Variants in CDH4 observed in about 807,000 individuals in gnomAD.
CDH4 encodes the protein cadherin-4.
In CDH4, 33 loss-of-function variants were observed where a neutral mutation model predicts 86.0. The ratio of observed to expected loss-of-function variants is 0.38; its 90% CI spans 0.29 to 0.51. The LOEUF (loss-of-function observed/expected upper bound fraction) is 0.51. Among genes scored for constraint, CDH4 ranks in the 20% least tolerant of loss-of-function variants. The probability of loss-of-function intolerance (pLI) is 0.86; values close to 1 mark genes in which losing one functional copy is unlikely to be tolerated. For missense variants in CDH4, 1,114 were observed against 1,307.4 expected (o/e 0.85, Z 2.28); for synonymous variants, 555 against 549.4 (o/e 1.01, Z -0.14).
chr20:61,823,067 C>T (rs916885526), intron 4 of CDH4, among the ~76,000 whole-genome samples: 1 of 152,142 alleles, frequency 6.6e-6, no homozygotes, highest in African/African-American at 2.4e-5. Flanking sequence ...AGCCACAGTT[C>T]CGGTCCCAAA....
At chr20:61,662,550 A>C (rs6061707) in intron 2 of CDH4, among the ~76,000 whole-genome samples, 30,978 of 152,110 alleles carry the variant, frequency 0.2, 3,362 homozygotes, top group South Asian at 0.27. Context: ...GCACAGGACG[A>C]GCACACAGAG....
At chr20:61,532,869 G>A (rs918287172) in intron 2 of CDH4, among the ~76,000 whole-genome samples, 1 of 152,174 alleles carries the variant, frequency 6.6e-6, no homozygotes, top group African/African-American at 2.4e-5. Context: ...TCTTCTCAGA[G>A]TTTGGCAGGT....
At position 61,544,366 on chromosome 20, in the gene CDH4, G is replaced by A. The variant is rs1198078195; in HGVS notation, c.170-199197G>A. Among the ~76,000 whole-genome samples the A allele has an allele frequency of 2.6e-5, 4 of 151,932 alleles. No homozygotes were observed. The highest frequency in any genetic ancestry group is 2.6e-4 in the Admixed American group (4 of 15,260). ...TCCATGTATCACTCGTGTCCAGGCC[G>A]AGAAACCCGACGTAGAAATCCAGCT... On this transcript the variant is annotated intron_variant, in intron 2 of 15. Coordinates refer to ENST00000614565, the MANE Select transcript of CDH4 (RefSeq NM_001794.5). The surrounding 1 kb of genome is among the most constrained non-coding windows in gnomAD (Gnocchi z 6.5).
intron 2 of CDH4, among the ~76,000 whole-genome samples, chr20:61,642,771 C>G (rs1485403426): frequency 6.6e-6 from 1 of 152,182 alleles, no homozygotes; most frequent in Non-Finnish European, 1.5e-5. Context: ...GAAACCACTT[C>G]CTTACCTTTC....
intron 2 of CDH4, among the ~76,000 whole-genome samples, chr20:61,413,313 T>A (rs2085129773): frequency 6.6e-6 from 1 of 152,020 alleles, no homozygotes; most frequent in South Asian, 2.1e-4. Flanking sequence ...GCTTCCAGCA[T>A]GGCTTTTGGC....
intron 13 of CDH4, among the ~76,000 whole-genome samples, chr20:61,932,020 AGGATCCCT>A (rs1034941876): frequency 3.3e-5 from 5 of 152,060 alleles, no homozygotes; most frequent in Admixed American, 6.5e-5. Flanking sequence ...CTCAGGAAGC[AGGATCCCT>A]GGATCCCCTC....
intron 2 of CDH4, among the ~76,000 whole-genome samples, chr20:61,644,102 G>A (rs566268690): frequency 6.6e-6 from 1 of 152,262 alleles, no homozygotes; most frequent in Admixed American, 6.5e-5. Context: ...GGCAGGCCAA[G>A]CAGTTAGATA....
In CDH4 at chr20:61,741,473, T is replaced by C. The variant is rs939866236; in HGVS notation, c.170-2090T>C. On this transcript the variant is annotated intron_variant, in intron 2 of 15. Transcript: ENST00000614565. ...AAGCAGCTTCAATGCTTGCCTAAGA[T>C]GTCACCAAAGCTGTGTGCCTGTACT... Among the ~76,000 whole-genome samples the C allele has an allele frequency of 2.0e-5, 3 of 151,616 alleles. No individual in the cohort carries two copies. In the East Asian group the frequency reaches 5.8e-4, roughly 29 times the overall value.
chr20:61,899,375 G>A (rs1985278660), intron 8 of CDH4, among the ~76,000 whole-genome samples: 1 of 152,016 alleles, frequency 6.6e-6, no homozygotes. Flanking sequence ...TTTACTGTAT[G>A]TCTTTTGTGA....
chr20:61,585,985 ATGG>A (rs2086468625), intron 2 of CDH4, among the ~76,000 whole-genome samples: 1 of 140,284 alleles, frequency 7.1e-6, no homozygotes, highest in Admixed American at 7.1e-5. Flanking sequence ...TGTGATGATG[ATGG>A]TGATGATGAT....
At chr20:61,935,951 A>AAAAC (rs1423243382) in intron 15 of CDH4, among the ~76,000 whole-genome samples, 4 of 152,156 alleles carry the variant, frequency 2.6e-5, no homozygotes, top group African/African-American at 4.8e-5. Flanking sequence ...ATTAAAAATG[A>AAAAC]AAACAACAAA....
chr20:61,633,790 G>T (rs2086919479), intron 2 of CDH4, among the ~76,000 whole-genome samples: 1 of 152,216 alleles, frequency 6.6e-6, no homozygotes, highest in South Asian at 2.1e-4. Context: ...TCAGTCCAGG[G>T]CTGGTGCTCA....
chr20:61,292,453 AG>A (rs1435947874), intron 2 of CDH4, among the ~76,000 whole-genome samples: 1 of 152,194 alleles, frequency 6.6e-6, no homozygotes, highest in South Asian at 2.1e-4. Flanking sequence ...GGTCTAGTCT[AG>A]TGGTTCTCAA....
intron 2 of CDH4, among the ~76,000 whole-genome samples, chr20:61,449,055 C>T (rs2085366625): frequency 6.6e-6 from 1 of 152,186 alleles, no homozygotes; most frequent in Non-Finnish European, 1.5e-5. Context: ...TGTCACTTCA[C>T]ACACAGCCTC....
intron 2 of CDH4, among the ~76,000 whole-genome samples, chr20:61,551,542 A>G (rs2086129868): frequency 6.6e-6 from 1 of 152,218 alleles, no homozygotes; most frequent in South Asian, 2.1e-4. Context: ...CTCACAGCTC[A>G]GAGAACCTTT....
chr20:61,344,326 G>C (rs560013627), intron 2 of CDH4, among the ~76,000 whole-genome samples: 6 of 152,220 alleles, frequency 3.9e-5, no homozygotes, highest in Admixed American at 3.9e-4. Context: ...CCCTCAGTTT[G>C]CATGTTCATT....
intron 4 of CDH4, among the ~76,000 whole-genome samples, chr20:61,801,409 C>T (rs888954092): frequency 6.6e-6 from 1 of 152,190 alleles, no homozygotes; most frequent in African/African-American, 2.4e-5. Flanking sequence ...GACGTCATCC[C>T]GAAGCCACCT....
intron 13 of CDH4, among the ~76,000 whole-genome samples, chr20:61,930,874 C>T (rs932863973): frequency 2.6e-5 from 4 of 152,258 alleles, no homozygotes; most frequent in African/African-American, 9.6e-5. Context: ...TCTGGAAACA[C>T]CGGGGGCCAG....
chr20:61,863,292 G>C (rs140840161), intron 6 of CDH4, among the ~76,000 whole-genome samples: 4 of 152,198 alleles, frequency 2.6e-5, no homozygotes, highest in African/African-American at 7.2e-5. Flanking sequence ...CAGCCGGGGC[G>C]GGGGATGCTG....
Sources: gnomAD v4.1 joint callset for allele counts (sites outside exome capture counted in the v4.1 genomes callset) on GRCh38, gnomAD v4.1.1 for gene constraint, Gnocchi (gnomAD v3.1) non-coding constraint, MANE v1.5 for transcripts, NCBI Gene and HGNC (gene_info 2026-07-23, HGNC 2026-07-21) for gene names.